The following CTNND2 variants were observed in gnomAD, a reference collection of about 807,000 sequenced individuals.
CTNND2 encodes the protein catenin delta-2.
In CTNND2, 22 loss-of-function variants were observed where a neutral mutation model predicts 144.4. The ratio of observed to expected loss-of-function variants is 0.15; its 90% CI spans 0.11 to 0.22. CTNND2 has a LOEUF of 0.22. Among genes scored for constraint, CTNND2 ranks in the 10% least tolerant of loss-of-function variants. The probability of loss-of-function intolerance (pLI) is 1.00; values close to 1 mark genes in which losing one functional copy is unlikely to be tolerated. For synonymous variants in CTNND2, 751 were observed against 695.6 expected, an observed-to-expected ratio of 1.08 and a Z score of -1.25; for missense variants, 1,353 against 1,618.8, an observed-to-expected ratio of 0.84 and a Z score of 2.82.
chr5:11,432,373 G>A (rs1203634505), intron 3 of CTNND2, among the ~76,000 whole-genome samples: 1 of 151,910 alleles, frequency 6.6e-6, no homozygotes, highest in African/African-American at 2.4e-5. Context: ...AAGAAATGAT[G>A]GGATAAAATT....
chr5:11,623,927 C>T lies in CTNND2; in HGVS notation c.175-58871G>A, dbSNP rs892571914. Among the ~76,000 whole-genome samples the T allele has an allele frequency of 2.0e-5, 3 of 146,680 alleles. No homozygotes were observed. In the South Asian group the frequency reaches 6.5e-4, roughly 32 times the overall value. On this transcript the variant is annotated intron_variant, in intron 2 of 21. Transcript: ENST00000304623. The stretch of plus-strand genomic sequence containing the variant: ...CTACAAAGAAACTTGGATAACCACA[C>T]AATAATAATGAGAGATTTCAACACC...
At chr5:11,442,777 C>A (rs1357242941) in intron 3 of CTNND2, among the ~76,000 whole-genome samples, 2 of 146,222 alleles carry the variant, frequency 1.4e-5, no homozygotes, top group Admixed American at 6.9e-5. Flanking sequence ...AGATTGCAAT[C>A]ATTATATATA....
intron 3 of CTNND2, among the ~76,000 whole-genome samples, chr5:11,437,941 G>C (rs558345899): frequency 2.0e-5 from 3 of 152,324 alleles, no homozygotes; most frequent in East Asian, 1.9e-4. Flanking sequence ...TACGAGGTCT[G>C]GCGGAGGGGC....
chr5:11,342,329 T>C (rs973367689), intron 9 of CTNND2, among the ~76,000 whole-genome samples: 2 of 152,218 alleles, frequency 1.3e-5, no homozygotes, highest in Non-Finnish European at 2.9e-5. Flanking sequence ...GTCATACTCT[T>C]AGTCAAATTT....
At chr5:11,063,291 T>C (rs1747203167) in intron 16 of CTNND2, among the ~76,000 whole-genome samples, 1 of 152,124 alleles carries the variant, frequency 6.6e-6, no homozygotes, top group South Asian at 2.1e-4. Context: ...TATGAATGGA[T>C]AGGGAAAAAA....
At chr5:11,524,905 CAT>C (rs1773088678) in intron 3 of CTNND2, among the ~76,000 whole-genome samples, 1 of 152,082 alleles carries the variant, frequency 6.6e-6, no homozygotes, top group South Asian at 2.1e-4. Flanking sequence ...TTGACTCAAA[CAT>C]AGCATATAAA....
chr5:11,585,156 G>C (rs1227972066), intron 2 of CTNND2, among the ~76,000 whole-genome samples: 1 of 152,054 alleles, frequency 6.6e-6, no homozygotes, highest in Non-Finnish European at 1.5e-5. Context: ...GTTTAAGGTT[G>C]TTTCACTAAG....
intron 1 of CTNND2, among the ~76,000 whole-genome samples, chr5:11,875,576 C>T (rs1735505211): frequency 6.6e-6 from 1 of 152,146 alleles, no homozygotes; most frequent in Admixed American, 6.5e-5. Flanking sequence ...GGGTTGGGCC[C>T]TCATGATGGG....
intron 1 of CTNND2, among the ~76,000 whole-genome samples, chr5:11,743,754 G>A (rs1387029733): frequency 6.6e-6 from 1 of 152,142 alleles, no homozygotes; most frequent in South Asian, 2.1e-4. Context: ...GAGAGCTGGT[G>A]GGATCTCAGT....
intron 2 of CTNND2, among the ~76,000 whole-genome samples, chr5:11,690,322 C>T (rs769744341): frequency 7.2e-5 from 11 of 152,168 alleles, no homozygotes; most frequent in African/African-American, 1.2e-4. Flanking sequence ...AACTTTCAAA[C>T]GTTACAAACA....
intron 1 of CTNND2, among the ~76,000 whole-genome samples, chr5:11,754,506 A>G (rs916255743): frequency 1.3e-5 from 2 of 151,444 alleles, no homozygotes; most frequent in South Asian, 2.1e-4. Context: ...TGAGGTCCCA[A>G]ATAACTTCAT....
At chr5:11,675,523 T>A (rs1784127758) in intron 2 of CTNND2, among the ~76,000 whole-genome samples, 1 of 152,170 alleles carries the variant, frequency 6.6e-6, no homozygotes, top group Admixed American at 6.5e-5. Context: ...CACCTCTGTG[T>A]AACCTGACCC....
At chr5:11,277,826 C>T (rs1746703737) in intron 9 of CTNND2, among the ~76,000 whole-genome samples, 1 of 152,116 alleles carries the variant, frequency 6.6e-6, no homozygotes, top group African/African-American at 2.4e-5. Context: ...CCACCGCATC[C>T]AGCCTGCTTT....
chr5:11,784,299 G>T (rs1790714031), intron 1 of CTNND2, among the ~76,000 whole-genome samples: 1 of 152,186 alleles, frequency 6.6e-6, no homozygotes, highest in Non-Finnish European at 1.5e-5. Context: ...TTAAATTCTT[G>T]TGAAAAATAA....
intron 2 of CTNND2, among the ~76,000 whole-genome samples, chr5:11,636,969 C>G (rs865990591): frequency 2.0e-5 from 3 of 151,914 alleles, no homozygotes; most frequent in African/African-American, 7.3e-5. Flanking sequence ...TAAATAATAT[C>G]ATGATCCAGG....
intron 16 of CTNND2, among the ~76,000 whole-genome samples, chr5:11,046,682 T>C (rs2973485): frequency 0.21 from 31,938 of 152,212 alleles, 3,692 homozygotes; most frequent in Middle Eastern, 0.3. Context: ...TGAAATCTCA[T>C]TGAATGATAT....
intron 9 of CTNND2, among the ~76,000 whole-genome samples, chr5:11,275,061 T>C (rs1746391691): frequency 6.6e-6 from 1 of 152,264 alleles, no homozygotes; most frequent in Middle Eastern, 3.4e-3. Flanking sequence ...TCTCCATAGA[T>C]AAACTTATGC....
At chr5:11,475,903 A>G (rs975206923) in intron 3 of CTNND2, among the ~76,000 whole-genome samples, 8 of 152,088 alleles carry the variant, frequency 5.3e-5, no homozygotes, top group Non-Finnish European at 1.5e-5. Context: ...TCGGTAACCC[A>G]GGCTGGAATA....
chr5:11,317,159 C>T (rs1415149932), intron 9 of CTNND2, among the ~76,000 whole-genome samples: 2 of 152,102 alleles, frequency 1.3e-5, no homozygotes, highest in Non-Finnish European at 1.5e-5. Context: ...CATTAATATC[C>T]ACTATTATTT....
Sources: allele counts gnomAD v4.1 joint callset (sites outside exome capture counted in the v4.1 genomes callset), GRCh38; gene constraint gnomAD v4.1.1; transcripts MANE v1.5; gene names NCBI Gene and HGNC (gene_info 2026-07-23, HGNC 2026-07-21).